Variants in SLIT1 observed in about 807,000 individuals in gnomAD.
SLIT1 encodes the protein slit homolog 1 protein.
In SLIT1, 66 loss-of-function variants were observed where a neutral mutation model predicts 186.1. The ratio of observed to expected loss-of-function variants is 0.35; its 90% CI spans 0.29 to 0.44. SLIT1 has a LOEUF of 0.44. SLIT1 is among the 20% of genes least tolerant of loss of function. SLIT1 has a pLI of 1.00. For synonymous variants in SLIT1, 761 were observed against 833.8 expected (o/e 0.91, Z 1.50); for missense variants, 1,638 against 2,037.4 (o/e 0.80, Z 3.77).
chr10:97,065,516 AT>A (rs2134641171), intron 5 of SLIT1: 1 of 159,556 alleles, frequency 6.3e-6, no homozygotes, highest in South Asian at 1.9e-4. Flanking sequence ...TTTAAATAGC[AT>A]TTGACAAAGT....
chr10:97,105,363 A>T (rs1391637549), intron 4 of SLIT1, among the ~76,000 whole-genome samples: 1 of 152,218 alleles, frequency 6.6e-6, no homozygotes, highest in African/African-American at 2.4e-5. Flanking sequence ...GGCCACACTC[A>T]AGCTCTTGCG....
At chr10:97,173,556 G>A (rs1490107726) in intron 1 of SLIT1, among the ~76,000 whole-genome samples, 3 of 151,116 alleles carry the variant, frequency 2.0e-5, no homozygotes, top group African/African-American at 7.3e-5. Context: ...TAGAGTGCAG[G>A]GGCATGATCA....
intron 4 of SLIT1, among the ~76,000 whole-genome samples, chr10:97,148,691 A>C (rs1849843233): frequency 6.6e-6 from 1 of 152,168 alleles, no homozygotes; most frequent in African/African-American, 2.4e-5. Context: ...GCTATTTTTC[A>C]AATGTTCACT....
intron 13 of SLIT1, among the ~76,000 whole-genome samples, chr10:97,050,063 G>A (rs936951549): frequency 3.9e-5 from 6 of 152,270 alleles, no homozygotes; most frequent in Admixed American, 1.3e-4. Context: ...CTGGAGAATC[G>A]CTTGAACCCA....
At chr10:97,063,656 C>T in intron 7 of SLIT1, 38 bp from the exon 8 acceptor site, 1 of 1,545,656 alleles carries the variant, frequency 6.5e-7, no homozygotes, top group Non-Finnish European at 8.7e-7. Context: ...CCATCTGGAT[C>T]CCCCAGCCCA....
At chr10:97,034,784 C>T (rs1848623659) in intron 22 of SLIT1, among the ~76,000 whole-genome samples, 1 of 152,150 alleles carries the variant, frequency 6.6e-6, no homozygotes, top group African/African-American at 2.4e-5. Context: ...CCCTCACCCC[C>T]ATCCCTCTGC....
At chr10:97,110,635 T>G (rs1394964179) in intron 4 of SLIT1, among the ~76,000 whole-genome samples, 1 of 152,252 alleles carries the variant, frequency 6.6e-6, no homozygotes, top group Non-Finnish European at 1.5e-5. Context: ...AGCTAAGGCT[T>G]ACATATATAC....
chr10:97,037,881 AG>A (rs748058034), intron 21 of SLIT1, 115 bp from the exon 22 acceptor site: 2 of 737,676 alleles, frequency 2.7e-6, no homozygotes, highest in Non-Finnish European at 4.5e-6. Flanking sequence ...TCCTCCACAT[AG>A]GCCACACGAT....
chr10:97,106,322 T>C (rs1849413926), intron 4 of SLIT1, among the ~76,000 whole-genome samples: 1 of 152,110 alleles, frequency 6.6e-6, no homozygotes, highest in Non-Finnish European at 1.5e-5. Flanking sequence ...GGGACATGAA[T>C]GAAGAACGGG....
chr10:97,037,128 CTT>C (rs1393099796), intron 22 of SLIT1, among the ~76,000 whole-genome samples: 6 of 148,770 alleles, frequency 4.0e-5, no homozygotes, highest in Middle Eastern at 3.4e-3. Context: ...GAGTTTTGCT[CTT>C]GTTGCCCAGG....
chr10:97,035,522 G>C (rs940360142), intron 22 of SLIT1, among the ~76,000 whole-genome samples: 2 of 152,132 alleles, frequency 1.3e-5, no homozygotes, highest in African/African-American at 2.4e-5. Flanking sequence ...GTCACCTCTC[G>C]CACCGTGCCC....
chr10:97,095,177 G>A (rs35064006), intron 4 of SLIT1, among the ~76,000 whole-genome samples: 3,440 of 152,284 alleles, frequency 0.023, 60 homozygotes, highest in Non-Finnish European at 0.033. Flanking sequence ...CAGCTACTAG[G>A]GAGACTAAAG....
At chr10:97,053,601 G>A (rs761896696) in intron 13 of SLIT1, among the ~76,000 whole-genome samples, 5 of 152,064 alleles carry the variant, frequency 3.3e-5, no homozygotes, top group Non-Finnish European at 7.4e-5. Flanking sequence ...GGATTACAGC[G>A]ACAACAATGG....
In SLIT1 at chr10:97,157,807, G is replaced by T. The variant is rs770131207; in HGVS notation, c.413+11C>A. The stretch of plus-strand genomic sequence containing the variant: ...ACAGGGAGAACTCTCTGGCCACAGA[G>T]CGTCACTCACAGTCTTGACAAAGCC... On this transcript the variant is annotated intron_variant, in intron 4 of 36. Transcript: ENST00000266058. The T allele has an allele frequency of 8.1e-6, 13 of 1,606,944 alleles. No homozygotes were observed. In the African/African-American group the frequency reaches 1.7e-4, roughly 21 times the overall value.
intron 4 of SLIT1, among the ~76,000 whole-genome samples, chr10:97,117,937 T>C (rs748166410): frequency 2.6e-5 from 4 of 152,088 alleles, no homozygotes; most frequent in Non-Finnish European, 5.9e-5. Context: ...AAATGCAGAG[T>C]TCTGGTTCCA....
chr10:97,134,329 C>T (rs1849681648), intron 4 of SLIT1, among the ~76,000 whole-genome samples: 1 of 152,178 alleles, frequency 6.6e-6, no homozygotes, highest in African/African-American at 2.4e-5. Flanking sequence ...TTGTGCCTGA[C>T]CTAAACCCAA....
rs368936924 is a variant in SLIT1, at chr10:97,129,689, G to A, written c.413+28129C>T. Reference sequence around the variant, plus strand: ...GGCCCATCTCACCAGCCTTCCAAGCGGGCATCCTCGACTAGTACTCCACAG... The same window carrying A: ...GGCCCATCTCACCAGCCTTCCAAGCAGGCATCCTCGACTAGTACTCCACAG... On this transcript the variant is annotated intron_variant, in intron 4 of 36. Coordinates refer to ENST00000266058, the MANE Select transcript of SLIT1 (RefSeq NM_003061.3). Among the ~76,000 whole-genome samples, 487 of 152,198 alleles carry A rather than the reference G, an allele frequency of 3.2e-3. 5 individuals are homozygous for A. The highest frequency in any genetic ancestry group is 4.0e-3 in the Non-Finnish European group (269 of 68,004).
intron 25 of SLIT1, among the ~76,000 whole-genome samples, chr10:97,023,986 G>A (rs1441285631): frequency 6.6e-6 from 1 of 151,926 alleles, no homozygotes; most frequent in Non-Finnish European, 1.5e-5. Flanking sequence ...AGGAAAGGAG[G>A]GAGGGAGGGA....
Position 97,132,107 on chromosome 10 carries a change from T to C in SLIT1, c.413+25711A>G, listed in dbSNP as rs1849660192. ...CTGTGGCTGCATGCCCCAGGCTCAC[T>C]GCCCTGGACCCCTGGGGTGTCCAAA... On this transcript the variant is annotated intron_variant, in intron 4 of 36. Transcript: ENST00000266058. Among the ~76,000 whole-genome samples the C allele has an allele frequency of 2.0e-5, 3 of 152,174 alleles. 1 individual carries two copies. The South Asian group carries it at 6.2e-4, about 32-fold the overall frequency.
Sources: gnomAD v4.1 joint callset for allele counts (sites outside exome capture counted in the v4.1 genomes callset) on GRCh38, gnomAD v4.1.1 for gene constraint, MANE v1.5 for transcripts, NCBI Gene and HGNC (gene_info 2026-07-23, HGNC 2026-07-21) for gene names.